Variants in CA12 observed in about 807,000 individuals in gnomAD.
The protein encoded by CA12 is carbonate dehydratase XII.
A neutral mutation model predicts 46.8 loss-of-function variants in CA12; 36 were observed. The observed-to-expected ratio is 0.77, with a 90% CI of 0.59 to 1.02. The LOEUF (loss-of-function observed/expected upper bound fraction) is 1.02, where lower values mean the gene tolerates loss of function less well. CA12 is among the 50% of genes least tolerant of loss of function. The pLI, the probability that CA12 is intolerant of heterozygous loss-of-function variation, is 0.00. For missense variants in CA12, 436 were observed against 451.4 expected (o/e 0.97, Z 0.31); for synonymous variants, 202 against 187.0 (o/e 1.08, Z -0.65).
Position 63,342,013 on chromosome 15 carries a change from C to T in CA12, c.514G>A (p.Val172Ile). Residue 172 changes from valine to isoleucine, a missense_variant, in exon 5 of 11, where the codon GTT becomes ATT. Val to Ile is a conservative substitution (Grantham distance 29). Transcript: ENST00000178638. The stretch of plus-strand genomic sequence containing the variant: ...TAAATATCTCTTACCTCAATGAGAA[C>T]AGCCAGGACAGCGAGGCCTTCTGAC... ...NKSEGLAVLAVLIEMGSFNPS... is the reference protein window; with the variant it reads ...NKSEGLAVLAILIEMGSFNPS... The T allele has an allele frequency of 7.4e-6, 12 of 1,612,356 alleles. No individual in the cohort carries two copies. The highest frequency in any genetic ancestry group is 1.0e-5 in the Non-Finnish European group (12 of 1,178,362).
chr15:63,352,200 T>C (rs1178093085), intron 2 of CA12, among the ~76,000 whole-genome samples: 1 of 152,152 alleles, frequency 6.6e-6, no homozygotes, highest in Non-Finnish European at 1.5e-5. Flanking sequence ...GGATTACAGG[T>C]GCGTGCCTCC....
chr15:63,343,990 C>G (rs138737573), intron 4 of CA12, among the ~76,000 whole-genome samples: 1 of 152,308 alleles, frequency 6.6e-6, no homozygotes, highest in African/African-American at 2.4e-5. Context: ...TAAAACAGTT[C>G]TGTTGAATTT....
At position 63,355,926 on chromosome 15, in the gene CA12, C is replaced by T. The variant is rs181151618; in HGVS notation, c.107-9217G>A. The stretch of plus-strand genomic sequence containing the variant: ...AATAGGGGGCTCCAGGCTCAGGCAA[C>T]GACTGGTAACCATCTCTGAACAGAA... On this transcript the variant is annotated intron_variant, in intron 2 of 10. Coordinates refer to ENST00000178638, the MANE Select transcript of CA12 (RefSeq NM_001218.5). The surrounding 1 kb of genome is among the most constrained non-coding windows in gnomAD (Gnocchi z 4.1). Among the ~76,000 whole-genome samples, 17 of 152,272 alleles carry T rather than the reference C, an allele frequency of 1.1e-4. No individual in the cohort carries two copies. Among genetic ancestry groups the T allele is most frequent in the Admixed American group, 4.6e-4 (7 of 15,296 alleles).
In CA12 at chr15:63,341,958, C is replaced by A. The variant is rs772309696; in HGVS notation, c.525+44G>T. 1 of 1,362,492 alleles carries A rather than the reference C, an allele frequency of 7.3e-7. No individual in the cohort carries two copies. Among genetic ancestry groups the A allele is most frequent in the Non-Finnish European group, 1.0e-6 (1 of 952,872 alleles). The allele number at this position is 1,362,492 out of a possible 1,614,324, so 84.4% of individuals were successfully genotyped here. On this transcript the variant is annotated intron_variant, in intron 5 of 10. Transcript: ENST00000178638. This position sits in a 1 kb window ranked among gnomAD's most constrained non-coding sequence, Gnocchi z 5.2. ...ACAAAAGGTGGAATCCCAATCTCAT[C>A]CCTGCTTCAAATTTCACCTAAGAAC...
In CA12 at chr15:63,345,624, G is replaced by A. The variant is rs200579432; in HGVS notation, c.287-5C>T. 37 of 1,610,838 alleles carry A rather than the reference G, an allele frequency of 2.3e-5. No homozygotes were observed. Among genetic ancestry groups the A allele is most frequent in the Middle Eastern group, 1.7e-4 (1 of 6,024 alleles). On this transcript the variant is annotated splice_region_variant and splice_polypyrimidine_tract_variant and intron_variant, in intron 3 of 10. Coordinates refer to ENST00000178638, the MANE Select transcript of CA12 (RefSeq NM_001218.5). The surrounding 1 kb of genome is among the most constrained non-coding windows in gnomAD (Gnocchi z 4.3). ...CCGAGGGCAGGTTCAGCTTCACTGC[G>A]GGGAGTGGAGGAGCAGCCTTCAGAG...
At chr15:63,366,625 A>G (rs1595790574) in intron 2 of CA12, among the ~76,000 whole-genome samples, 1 of 152,360 alleles carries the variant, frequency 6.6e-6, no homozygotes, top group East Asian at 1.9e-4. Flanking sequence ...ATGAATGTGA[A>G]CCATTTATCT....
chr15:63,379,775 G>A (rs1400547221), intron 1 of CA12, among the ~76,000 whole-genome samples: 2 of 152,124 alleles, frequency 1.3e-5, no homozygotes, highest in African/African-American at 2.4e-5. Flanking sequence ...CCATCTCCTG[G>A]GTAGCCCAAG....
rs79781398 is a variant in CA12, at chr15:63,342,004, C to T, written c.523G>A (p.Glu175Lys). ...AGAACCTTTTAAATATCTCTTACCT[C>T]AATGAGAACAGCCAGGACAGCGAGG... ...EGLAVLAVLI[E>K]MGSFNPSYDK... The change falls in exon 5 of 11, where the codon GAG becomes AAG. Residue 175 changes from glutamate to lysine, a missense_variant and splice_region_variant. Glu to Lys is a moderately conservative substitution (Grantham distance 56). Coordinates refer to ENST00000178638, the MANE Select transcript of CA12 (RefSeq NM_001218.5). The T allele has an allele frequency of 4.3e-6, 7 of 1,609,794 alleles. No individual in the cohort carries two copies. The South Asian group carries it at 7.7e-5, about 18-fold the overall frequency.
At chr15:63,377,758 T>C (rs1317619349) in intron 1 of CA12, among the ~76,000 whole-genome samples, 1 of 152,234 alleles carries the variant, frequency 6.6e-6, no homozygotes, top group Non-Finnish European at 1.5e-5. Context: ...CATATCTCTA[T>C]ATAACATGCT....
rs1234240393 is a variant in CA12 at position 63,331,681 on chromosome 15, C to T, written c.875-3551G>A. 3 of 152,246 alleles carry T rather than the reference C, an allele frequency of 2.0e-5. No individual in the cohort carries two copies. Among genetic ancestry groups the T allele is most frequent in the Non-Finnish European group, 4.4e-5 (3 of 68,072 alleles). The allele number at this position is 152,246 out of a possible 1,614,324, so 9.4% of individuals were successfully genotyped here. A position where few individuals can be genotyped will look rare whatever the true frequency, so the allele number is the denominator to read the frequency against. ...AGGAAACCACACAGATATAGAAGAA[C>T]TCGATGGTCACACACCTTGCCCAGG... On this transcript the variant is annotated intron_variant, in intron 8 of 10. Transcript: ENST00000178638. The surrounding 1 kb of genome is among the most constrained non-coding windows in gnomAD (Gnocchi z 5.3).
rs185544638 is a variant in CA12 at position 63,355,927 on chromosome 15, G to T, written c.107-9218C>A. Among the ~76,000 whole-genome samples the T allele has an allele frequency of 1.3e-5, 2 of 152,134 alleles. No homozygotes were observed. Among genetic ancestry groups the T allele is most frequent in the African/African-American group, 4.8e-5 (2 of 41,430 alleles). On this transcript the variant is annotated intron_variant, in intron 2 of 10. Coordinates refer to ENST00000178638, the MANE Select transcript of CA12 (RefSeq NM_001218.5). The surrounding 1 kb of genome is among the most constrained non-coding windows in gnomAD (Gnocchi z 4.1). Reference sequence around the variant, plus strand: ...ATAGGGGGCTCCAGGCTCAGGCAACGACTGGTAACCATCTCTGAACAGAAA... The same window carrying T: ...ATAGGGGGCTCCAGGCTCAGGCAACTACTGGTAACCATCTCTGAACAGAAA...
At chr15:63,338,772 G>A (rs1352854899) in intron 8 of CA12, 47 bp downstream of exon 8, 1 of 1,611,346 alleles carries the variant, frequency 6.2e-7, no homozygotes, top group Non-Finnish European at 8.5e-7. Flanking sequence ...CCAATGTCTT[G>A]GCACCACACT....
chr15:63,368,069 T>G (rs375557787), intron 2 of CA12, among the ~76,000 whole-genome samples: 1 of 152,242 alleles, frequency 6.6e-6, no homozygotes, highest in African/African-American at 2.4e-5. Flanking sequence ...TCAGTATTGT[T>G]GAAATTAATC....
intron 2 of CA12, among the ~76,000 whole-genome samples, chr15:63,361,850 C>A (rs2039367746): frequency 6.6e-6 from 1 of 152,208 alleles, no homozygotes; most frequent in African/African-American, 2.4e-5. Flanking sequence ...ACACAAACAG[C>A]TGTGTTAGAT....
At position 63,327,626 on chromosome 15, in the gene CA12, C is replaced by T. The variant is rs143406046; in HGVS notation, c.908-393G>A. ...TGATGCACGTGGTCCAAGAACCACA[C>T]TTTGATAAGCCCTGGGCTACACAAA... On this transcript the variant is annotated intron_variant, in intron 9 of 10. Coordinates refer to ENST00000178638, the MANE Select transcript of CA12 (RefSeq NM_001218.5). The surrounding 1 kb of genome is among the most constrained non-coding windows in gnomAD (Gnocchi z 4.5). 2.4e-3 allele frequency among the ~76,000 whole-genome samples: 361 copies of T among 152,058 alleles called. No individual in the cohort carries two copies. The highest frequency in any genetic ancestry group is 4.0e-3 in the Non-Finnish European group (271 of 68,004).
In CA12 at chr15:63,342,014, A is replaced by G. The variant is rs762655950; in HGVS notation, c.513T>C (p.Ala171=). ...AAATATCTCTTACCTCAATGAGAAC[A>G]GCCAGGACAGCGAGGCCTTCTGACT... ...SNKSEGLAVL[A]VLIEMGSFNP... is the part of the protein sequence containing the mutation. Residue 171 remains alanine (A), a synonymous_variant, in exon 5 of 11, where the codon GCT becomes GCC. Transcript: ENST00000178638. 6.2e-7 allele frequency: 1 copy of G among 1,612,694 alleles called. No individual in the cohort carries two copies. Among genetic ancestry groups the G allele is most frequent in the Admixed American group, 1.7e-5 (1 of 60,018 alleles).
intron 8 of CA12, among the ~76,000 whole-genome samples, chr15:63,337,240 T>G (rs1448935705): frequency 2.0e-5 from 3 of 152,202 alleles, no homozygotes; most frequent in Non-Finnish European, 4.4e-5. Context: ...CAGTTCTTCA[T>G]GAAAAGACAG....
rs753452677 is a variant in CA12 at position 63,328,422 on chromosome 15, C to T, written c.875-292G>A. ...TGCGATCTTGGCTCACTTCAACCTC[C>T]GCCTCCTGGGTTCAAGCAATTCTCT... On this transcript the variant is annotated intron_variant, in intron 8 of 10. Coordinates refer to ENST00000178638, the MANE Select transcript of CA12 (RefSeq NM_001218.5). This position sits in a 1 kb window ranked among gnomAD's most constrained non-coding sequence, Gnocchi z 5.9. 6.6e-6 allele frequency among the ~76,000 whole-genome samples: 1 copy of T among 151,710 alleles called. No individual in the cohort carries two copies. Among genetic ancestry groups the T allele is most frequent in the Admixed American group, 6.6e-5 (1 of 15,234 alleles).
Position 63,327,709 on chromosome 15 carries a change from G to A in CA12, c.907+389C>T, listed in dbSNP as rs956184521. On this transcript the variant is annotated intron_variant, in intron 9 of 10. Transcript: ENST00000178638. The surrounding 1 kb of genome is among the most constrained non-coding windows in gnomAD (Gnocchi z 4.5). ...TAAGGCCCATTGGCTGTCTCCATCA[G>A]TTTTGCCCCCAAGTTCCATTGCACA... is the stretch of plus-strand genomic sequence containing the variant. Among the ~76,000 whole-genome samples the A allele has an allele frequency of 1.3e-5, 2 of 152,154 alleles. No individual in the cohort carries two copies. The highest frequency in any genetic ancestry group is 4.8e-5 in the African/African-American group (2 of 41,436).
Sources: allele counts gnomAD v4.1 joint callset (sites outside exome capture counted in the v4.1 genomes callset), GRCh38; gene constraint gnomAD v4.1.1; non-coding constraint Gnocchi (gnomAD v3.1); transcripts MANE v1.5; gene names NCBI Gene and HGNC (gene_info 2026-07-23, HGNC 2026-07-21).